Variants in ADARB2 observed in about 807,000 individuals in gnomAD.
ADARB2 encodes the protein inactive double-stranded RNA-specific editase B2.
In ADARB2, 25 loss-of-function variants were observed where a neutral mutation model predicts 62.2. The ratio of observed to expected loss-of-function variants is 0.40; its 90% CI spans 0.29 to 0.56. The LOEUF (loss-of-function observed/expected upper bound fraction) is 0.56, where lower values mean the gene tolerates loss of function less well. Ranked by LOEUF, ADARB2 falls within the 20% of genes least tolerant of loss-of-function variation. The probability of loss-of-function intolerance (pLI) is 0.43; values close to 1 mark genes in which losing one functional copy is unlikely to be tolerated. For synonymous variants in ADARB2, 572 were observed against 500.8 expected (o/e 1.14, Z -1.90); for missense variants, 1,071 against 1,077.4 (o/e 0.99, Z 0.08).
At chr10:1,519,026 C>A (rs879256781) in intron 1 of ADARB2, among the ~76,000 whole-genome samples, 2 of 151,848 alleles carry the variant, frequency 1.3e-5, no homozygotes, top group Non-Finnish European at 2.9e-5. Context: ...ATGGTATGGT[C>A]ATACACACGC....
intron 1 of ADARB2, among the ~76,000 whole-genome samples, chr10:1,448,696 C>T (rs543574008): frequency 1.3e-5 from 2 of 152,290 alleles, no homozygotes; most frequent in Admixed American, 1.3e-4. Flanking sequence ...ATGTAAGTTT[C>T]CCTCAGTCCA....
chr10:1,217,694 T>C (rs1830644744), intron 6 of ADARB2, among the ~76,000 whole-genome samples: 2 of 152,218 alleles, frequency 1.3e-5, no homozygotes, highest in Admixed American at 1.3e-4. Context: ...TCAAAGTCAC[T>C]GTGACCCGGT....
intron 1 of ADARB2, among the ~76,000 whole-genome samples, chr10:1,446,459 C>A (rs946353454): frequency 6.6e-6 from 1 of 152,178 alleles, no homozygotes; most frequent in African/African-American, 2.4e-5. Flanking sequence ...CTATTTTTCC[C>A]ACTTAACAAA....
chr10:1,677,593 C>T (rs767259316), intron 1 of ADARB2, among the ~76,000 whole-genome samples: 2 of 152,178 alleles, frequency 1.3e-5, no homozygotes, highest in Non-Finnish European at 2.9e-5. Context: ...GGTGGAGCTC[C>T]TCCTGGCCTG....
chr10:1,534,620 G>C (rs1423815381), intron 1 of ADARB2: 2 of 152,740 alleles, frequency 1.3e-5, no homozygotes, highest in Non-Finnish European at 2.9e-5. Flanking sequence ...CGGAGCTGAT[G>C]GTGTTCCCTG....
At chr10:1,619,514 C>T (rs916418454) in intron 1 of ADARB2, among the ~76,000 whole-genome samples, 10 of 152,116 alleles carry the variant, frequency 6.6e-5, no homozygotes, top group Non-Finnish European at 1.3e-4. Context: ...TGCAGTGGTG[C>T]GATCTTGGCT....
chr10:1,330,630 G>A (rs983779380), intron 3 of ADARB2, among the ~76,000 whole-genome samples: 4 of 152,154 alleles, frequency 2.6e-5, no homozygotes, highest in African/African-American at 9.7e-5. Context: ...GGTTCCAGAT[G>A]AAATGCTTAA....
intron 1 of ADARB2, among the ~76,000 whole-genome samples, chr10:1,430,080 T>TA (rs1830764687): frequency 6.6e-6 from 1 of 152,200 alleles, no homozygotes; most frequent in Admixed American, 6.5e-5. Flanking sequence ...AGAGGATACT[T>TA]ACGACAATTG....
At chr10:1,673,008 G>A (rs1477158949) in intron 1 of ADARB2, among the ~76,000 whole-genome samples, 1 of 152,176 alleles carries the variant, frequency 6.6e-6, no homozygotes, top group Non-Finnish European at 1.5e-5. Context: ...CAGCCCGGAG[G>A]GGACCAGGGG....
At chr10:1,538,172 G>A (rs971576390) in intron 1 of ADARB2, among the ~76,000 whole-genome samples, 6 of 152,120 alleles carry the variant, frequency 3.9e-5, no homozygotes, top group Admixed American at 2.6e-4. Context: ...TTCCCTGTCA[G>A]GGCCAATGCC....
chr10:1,257,546 G>A (rs1831090991), intron 4 of ADARB2, among the ~76,000 whole-genome samples: 1 of 152,228 alleles, frequency 6.6e-6, no homozygotes, highest in Non-Finnish European at 1.5e-5. Flanking sequence ...TCAGTGTGAT[G>A]AAGCTGCTGC....
intron 4 of ADARB2, among the ~76,000 whole-genome samples, chr10:1,270,420 C>T (rs1384193195): frequency 6.6e-6 from 1 of 152,176 alleles, no homozygotes; most frequent in East Asian, 1.9e-4. Context: ...AAATAACCAG[C>T]TGGCTTGTTA....
intron 1 of ADARB2, among the ~76,000 whole-genome samples, chr10:1,709,356 C>T (rs567163867): frequency 5.9e-5 from 9 of 152,320 alleles, no homozygotes; most frequent in South Asian, 4.1e-4. Flanking sequence ...GTCTTCTCTA[C>T]GTCCTGCCAA....
chr10:1,635,784 G>C (rs907956827), intron 1 of ADARB2, among the ~76,000 whole-genome samples: 3 of 152,010 alleles, frequency 2.0e-5, no homozygotes, highest in Admixed American at 6.6e-5. Context: ...CACTCATTTC[G>C]TTCCTTGCAA....
chr10:1,356,962 G>A (rs957465101), intron 3 of ADARB2, among the ~76,000 whole-genome samples: 3 of 152,144 alleles, frequency 2.0e-5, no homozygotes, highest in Admixed American at 6.5e-5. Flanking sequence ...CAGAAATGAC[G>A]TTCGTTTTAA....
At chr10:1,680,495 A>G (rs1205360115) in intron 1 of ADARB2, among the ~76,000 whole-genome samples, 2 of 152,108 alleles carry the variant, frequency 1.3e-5, no homozygotes, top group Admixed American at 1.3e-4. Context: ...CTCCCGGGCC[A>G]TGCACTTCCC....
At chr10:1,736,736 G>T (rs1033366307) in intron 1 of ADARB2, among the ~76,000 whole-genome samples, 1 of 152,200 alleles carries the variant, frequency 6.6e-6, no homozygotes, top group Non-Finnish European at 1.5e-5. Flanking sequence ...GTGCCAGCCC[G>T]GCCGGCCACT....
At chr10:1,227,893 A>C (rs1830762780) in intron 6 of ADARB2, among the ~76,000 whole-genome samples, 2 of 152,264 alleles carry the variant, frequency 1.3e-5, no homozygotes, top group South Asian at 4.1e-4. Context: ...CACAGAAGTT[A>C]CCATGTGTCC....
At chr10:1,306,875 C>G (rs1831634941) in intron 3 of ADARB2, among the ~76,000 whole-genome samples, 1 of 149,868 alleles carries the variant, frequency 6.7e-6, no homozygotes, top group Admixed American at 6.7e-5. Context: ...AACTAGCTAG[C>G]CATATGTAGA....
Sources: gnomAD v4.1 joint callset for allele counts (sites outside exome capture counted in the v4.1 genomes callset) on GRCh38, gnomAD v4.1.1 for gene constraint, MANE v1.5 for transcripts, NCBI Gene and HGNC (gene_info 2026-07-23, HGNC 2026-07-21) for gene names.